The following GPATCH2 variants were observed in gnomAD, a reference collection of about 807,000 sequenced individuals.
GPATCH2 encodes the protein G-patch domain containing 2.
In GPATCH2, 51 loss-of-function variants were observed where a neutral mutation model predicts 58.0. The ratio of observed to expected loss-of-function variants is 0.88; its 90% CI spans 0.70 to 1.11. GPATCH2 has a LOEUF of 1.11. Among genes scored for constraint, GPATCH2 ranks in the 50% most tolerant of loss-of-function variants. The pLI, the probability that GPATCH2 is intolerant of heterozygous loss-of-function variation, is 0.00. For synonymous variants in GPATCH2, 222 were observed against 218.5 expected, an observed-to-expected ratio of 1.02 and a Z score of -0.14; for missense variants, 625 against 652.2, an observed-to-expected ratio of 0.96 and a Z score of 0.45.
chr1:217,457,250 C>T (rs1659985987), intron 8 of GPATCH2, among the ~76,000 whole-genome samples: 1 of 152,106 alleles, frequency 6.6e-6, no homozygotes, highest in South Asian at 2.1e-4. Flanking sequence ...TCTTGTAACA[C>T]CATGTCTGCT....
intron 1 of GPATCH2, among the ~76,000 whole-genome samples, chr1:217,620,808 G>A (rs750228204): frequency 2.0e-5 from 3 of 151,962 alleles, no homozygotes; most frequent in East Asian, 1.9e-4. Context: ...ATCCCTATCC[G>A]CTGGCCCACT....
chr1:217,467,140 G>A (rs535486262), intron 8 of GPATCH2, among the ~76,000 whole-genome samples: 30 of 152,214 alleles, frequency 2.0e-4, no homozygotes, highest in Non-Finnish European at 3.8e-4. Context: ...TCATGCCACT[G>A]CACTCCAGCC....
At chr1:217,604,302 G>T (rs1241064912) in intron 5 of GPATCH2, among the ~76,000 whole-genome samples, 1 of 147,442 alleles carries the variant, frequency 6.8e-6, no homozygotes, top group Non-Finnish European at 1.5e-5. Context: ...AGTGAGCCAA[G>T]ATCACACCAC....
At chr1:217,458,425 G>A (rs1660055216) in intron 8 of GPATCH2, among the ~76,000 whole-genome samples, 1 of 152,042 alleles carries the variant, frequency 6.6e-6, no homozygotes, top group African/African-American at 2.4e-5. Flanking sequence ...AAATGGTAGC[G>A]GCTGTTTTAT....
chr1:217,460,763 C>G (rs1326740838), intron 8 of GPATCH2, among the ~76,000 whole-genome samples: 2 of 152,218 alleles, frequency 1.3e-5, no homozygotes, highest in Admixed American at 6.5e-5. Flanking sequence ...ATTAATCATA[C>G]TGACAAATTG....
chr1:217,548,780 C>A, intron 5 of GPATCH2, among the ~76,000 whole-genome samples: 1 of 152,050 alleles, frequency 6.6e-6, no homozygotes, highest in East Asian at 1.9e-4. Flanking sequence ...CTGGCATTTC[C>A]CCTGCTGGCA....
chr1:217,616,757 AAC>A, intron 2 of GPATCH2, among the ~76,000 whole-genome samples: 1 of 152,292 alleles, frequency 6.6e-6, no homozygotes, highest in Non-Finnish European at 1.5e-5. Context: ...TGAATTTTAT[AAC>A]ACGGTATTTG....
At chr1:217,592,296 T>C (rs1485056517) in intron 5 of GPATCH2, among the ~76,000 whole-genome samples, 1 of 152,030 alleles carries the variant, frequency 6.6e-6, no homozygotes, top group East Asian at 1.9e-4. Flanking sequence ...AGAATTTTAA[T>C]TGGTATAACT....
At chr1:217,583,858 AAGAT>A (rs1667194676) in intron 5 of GPATCH2, among the ~76,000 whole-genome samples, 1 of 152,154 alleles carries the variant, frequency 6.6e-6, no homozygotes, top group Non-Finnish European at 1.5e-5. Context: ...TGAATGCCAG[AAGAT>A]AGTACAAGAG....
intron 5 of GPATCH2, among the ~76,000 whole-genome samples, chr1:217,542,532 C>T (rs1280716282): frequency 2.0e-5 from 3 of 152,150 alleles, no homozygotes; most frequent in African/African-American, 7.2e-5. Context: ...GGGAGCCCTC[C>T]GTCTCTGGAA....
intron 8 of GPATCH2, among the ~76,000 whole-genome samples, chr1:217,468,562 C>CAG (rs1264762042): frequency 3.7e-4 from 48 of 128,948 alleles, no homozygotes; most frequent in African/African-American, 1.3e-3. Context: ...CACACACACA[C>CAG]AGAGAGAAAG....
chr1:217,607,265 C>T (rs1046356132), intron 5 of GPATCH2, among the ~76,000 whole-genome samples: 1 of 152,164 alleles, frequency 6.6e-6, no homozygotes, highest in South Asian at 2.1e-4. Context: ...CATACACGTG[C>T]ATTCCTACCA....
intron 5 of GPATCH2, among the ~76,000 whole-genome samples, chr1:217,526,282 G>A (rs745814217): frequency 6.6e-6 from 1 of 152,124 alleles, no homozygotes; most frequent in Non-Finnish European, 1.5e-5. Context: ...ATATTGTTCT[G>A]TACAGGCTGT....
intron 5 of GPATCH2, among the ~76,000 whole-genome samples, chr1:217,523,774 C>G (rs2102602565): frequency 6.8e-6 from 1 of 148,022 alleles, no homozygotes; most frequent in Non-Finnish European, 1.5e-5. Context: ...CCCTCACCTC[C>G]CGGACGGGGC....
At chr1:217,571,086 T>C (rs1411362244) in intron 5 of GPATCH2, among the ~76,000 whole-genome samples, 12 of 152,314 alleles carry the variant, frequency 7.9e-5, no homozygotes, top group Admixed American at 6.5e-4. Context: ...AATGAAGAAA[T>C]AGAATGTATA....
chr1:217,595,744 C>T (rs1207875235), intron 5 of GPATCH2, among the ~76,000 whole-genome samples: 1 of 152,088 alleles, frequency 6.6e-6, no homozygotes, highest in Non-Finnish European at 1.5e-5. Flanking sequence ...AAGTGTTCCA[C>T]GCATCTCAGC....
At position 217,430,248 on chromosome 1, in the gene GPATCH2, T is replaced by C. The variant is rs991988077; in HGVS notation, c.*897A>G. The C allele has an allele frequency of 6.6e-6, 1 of 152,192 alleles. No individual in the cohort carries two copies. Among genetic ancestry groups the C allele is most frequent in the South Asian group, 2.1e-4 (1 of 4,834 alleles). The allele number at this position is 152,192 out of a possible 1,614,324, so 9.4% of individuals were successfully genotyped here. A position where few individuals can be genotyped will look rare whatever the true frequency, so the allele number is the denominator to read the frequency against. ...AGAGCCATTTAACTTTTCATGTAAA[T>C]TGATTCAATATTGTAATAAATTACT... On this transcript the variant is annotated 3_prime_UTR_variant, in exon 10 of 10. Transcript: ENST00000366935.
chr1:217,611,346 C>T (rs1668619611), intron 3 of GPATCH2, among the ~76,000 whole-genome samples: 1 of 151,742 alleles, frequency 6.6e-6, no homozygotes, highest in African/African-American at 2.4e-5. Context: ...TTGACAACTG[C>T]ATATACAATC....
intron 5 of GPATCH2, among the ~76,000 whole-genome samples, chr1:217,567,043 T>TG (rs1324369972): frequency 7.8e-6 from 1 of 128,264 alleles, no homozygotes; most frequent in East Asian, 4.1e-4. Flanking sequence ...ATATAACTTC[T>TG]GGCTTTTTTT....
Sources: allele counts gnomAD v4.1 joint callset (sites outside exome capture counted in the v4.1 genomes callset), GRCh38; gene constraint gnomAD v4.1.1; transcripts MANE v1.5; gene names NCBI Gene and HGNC (gene_info 2026-07-23, HGNC 2026-07-21).